LINGO2: variants seen among roughly 807,000 people sequenced by gnomAD.
LINGO2 encodes leucine-rich repeat and immunoglobulin-like domain-containing nogo receptor-interacting protein 2.
LINGO2 carries 14 observed loss-of-function variants against 30.6 expected under a neutral mutation model. That is an observed-to-expected ratio of 0.46 (90% CI 0.30 to 0.72). The LOEUF (loss-of-function observed/expected upper bound fraction) is 0.72, where lower values mean the gene tolerates loss of function less well. LINGO2 is among the 30% of genes least tolerant of loss of function. LINGO2 has a pLI of 0.07. For synonymous variants in LINGO2, 317 were observed against 288.5 expected (o/e 1.10, Z -1.00); for missense variants, 729 against 751.7 (o/e 0.97, Z 0.35).
At chr9:28,194,462 C>A (rs941326011) in intron 4 of LINGO2, among the ~76,000 whole-genome samples, 4 of 150,314 alleles carry the variant, frequency 2.7e-5, no homozygotes, top group Non-Finnish European at 4.4e-5. Context: ...AATTGTGGAT[C>A]TGAGATTTGA....
chr9:28,084,294 A>G (rs1242153770), intron 4 of LINGO2, among the ~76,000 whole-genome samples: 1 of 152,140 alleles, frequency 6.6e-6, no homozygotes, highest in Non-Finnish European at 1.5e-5. Flanking sequence ...ATTTAAAAGT[A>G]TCAGTCACTT....
intron 3 of LINGO2, among the ~76,000 whole-genome samples, chr9:28,353,308 A>C (rs1452159488): frequency 2.1e-4 from 31 of 149,930 alleles, no homozygotes; most frequent in African/African-American, 6.9e-4. Flanking sequence ...ATTTACAAGA[A>C]AAAAACAAAC....
chr9:28,348,642 C>A (rs113205338), intron 3 of LINGO2, among the ~76,000 whole-genome samples: 15,667 of 152,108 alleles, frequency 0.1, 1,131 homozygotes, highest in Admixed American at 0.16. Flanking sequence ...TGGGTGGAGC[C>A]CACCACAGCT....
the LINGO2 span, among the ~76,000 whole-genome samples, chr9:28,684,322 G>A: frequency 6.7e-6 from 1 of 149,102 alleles, no homozygotes; most frequent in Non-Finnish European, 1.5e-5. Context: ...AGAGTAGCTG[G>A]GACTACAGGC....
chr9:28,496,920 C>T (rs1480215159), intron 1 of LINGO2, among the ~76,000 whole-genome samples: 1 of 152,164 alleles, frequency 6.6e-6, no homozygotes, highest in Admixed American at 6.5e-5. Flanking sequence ...TCTTAAGAAG[C>T]TTAGTTTGGC....
chr9:28,366,303 C>G (rs1319272056), intron 3 of LINGO2, among the ~76,000 whole-genome samples: 1 of 152,060 alleles, frequency 6.6e-6, no homozygotes, highest in Non-Finnish European at 1.5e-5. Context: ...GTATTTCATC[C>G]CTCTTATGTG....
rs1008050434 is a variant in LINGO2, at chr9:28,334,682, A to C, written c.-246+38154T>G. Among the ~76,000 whole-genome samples the C allele has an allele frequency of 2.0e-5, 3 of 152,166 alleles. No individual in the cohort carries two copies. In the South Asian group the frequency reaches 6.2e-4, roughly 31 times the overall value. ...GAGTCCTATGCTTACTGGAACCATG[A>C]AACAGTGGCAACATTAAAGGGAATG... On this transcript the variant is annotated intron_variant, in intron 3 of 5. Transcript: ENST00000379992.
At chr9:29,019,823 A>G in the LINGO2 span, among the ~76,000 whole-genome samples, 15 of 152,194 alleles carry the variant, frequency 9.9e-5, no homozygotes, top group Non-Finnish European at 2.1e-4. Context: ...ATATCTTTCT[A>G]TTCCATTCCT....
At chr9:28,812,716 A>C in the LINGO2 span, among the ~76,000 whole-genome samples, 50 of 152,202 alleles carry the variant, frequency 3.3e-4, no homozygotes, top group Non-Finnish European at 4.3e-4. Flanking sequence ...GATGAGTTCA[A>C]AAATCAGGAG....
At chr9:28,384,779 A>T (rs1232363442) in intron 2 of LINGO2, among the ~76,000 whole-genome samples, 1 of 152,034 alleles carries the variant, frequency 6.6e-6, no homozygotes, top group East Asian at 1.9e-4. Context: ...CTTGATCCAA[A>T]CTGCTCCCTG....
the LINGO2 span, among the ~76,000 whole-genome samples, chr9:28,929,857 A>G: frequency 2.0e-5 from 3 of 152,220 alleles, no homozygotes; most frequent in African/African-American, 7.2e-5. Context: ...TACCTAAAAC[A>G]GAAAGTCATC....
chr9:27,998,082 A>G (rs555921942), intron 5 of LINGO2, among the ~76,000 whole-genome samples: 1 of 152,298 alleles, frequency 6.6e-6, no homozygotes, highest in African/African-American at 2.4e-5. Flanking sequence ...ACGGCCATCA[A>G]TTCCTTTCTT....
At chr9:27,968,348 T>C (rs1033718282) in intron 5 of LINGO2, among the ~76,000 whole-genome samples, 3 of 152,054 alleles carry the variant, frequency 2.0e-5, no homozygotes, top group Non-Finnish European at 4.4e-5. Flanking sequence ...TCATGACTCA[T>C]GGTTCCAAAT....
At chr9:28,915,869 G>A in the LINGO2 span, among the ~76,000 whole-genome samples, 1 of 152,134 alleles carries the variant, frequency 6.6e-6, no homozygotes, top group Non-Finnish European at 1.5e-5. Flanking sequence ...ATACATAACT[G>A]ATAAAATCTT....
chr9:27,980,070 G>T (rs1358556071), intron 5 of LINGO2, among the ~76,000 whole-genome samples: 1 of 151,902 alleles, frequency 6.6e-6, no homozygotes, highest in Non-Finnish European at 1.5e-5. Flanking sequence ...CAGCTGTTCA[G>T]AGTACTTTAG....
In LINGO2 at chr9:28,016,921, C is replaced by T. The variant is rs527665050; in HGVS notation, c.-86-4516G>A. On this transcript the variant is annotated intron_variant, in intron 4 of 5. Coordinates refer to ENST00000379992, the Ensembl canonical transcript of LINGO2. Reference sequence around the variant, plus strand: ...ACTTCAGGCCAATATCCTTGATGAACATAGATGGAAAAATCCTCAACAAAA... The same window carrying T: ...ACTTCAGGCCAATATCCTTGATGAATATAGATGGAAAAATCCTCAACAAAA... 5.9e-5 allele frequency among the ~76,000 whole-genome samples: 9 copies of T among 152,162 alleles called. No homozygotes were observed. In the South Asian group the frequency reaches 1.7e-3, roughly 28 times the overall value.
chr9:28,304,088 C>T lies in LINGO2; in HGVS notation c.-245-8722G>A, dbSNP rs141911592. Among the ~76,000 whole-genome samples, 126 of 151,992 alleles carry T rather than the reference C, an allele frequency of 8.3e-4. 3 individuals are homozygous for T. In the East Asian group the frequency reaches 0.019, roughly 23 times the overall value. The stretch of plus-strand genomic sequence containing the variant: ...ATCTAGGTGCACAAGCTTCTTTATT[C>T]CTCTCCATATGCCTGTTTTGTGAGA... On this transcript the variant is annotated intron_variant, in intron 3 of 5. Transcript: ENST00000379992.
chr9:28,340,735 G>A (rs1825740033), intron 3 of LINGO2, among the ~76,000 whole-genome samples: 1 of 152,100 alleles, frequency 6.6e-6, no homozygotes, highest in Non-Finnish European at 1.5e-5. Flanking sequence ...TGGAATAGCA[G>A]TCTGTCTTTG....
intron 1 of LINGO2, among the ~76,000 whole-genome samples, chr9:28,485,538 C>A (rs1005143427): frequency 6.6e-6 from 1 of 151,962 alleles, no homozygotes; most frequent in Non-Finnish European, 1.5e-5. Context: ...ATGAAAAATA[C>A]CTCATGAAGG....
Sources: gnomAD v4.1 joint callset for allele counts (sites outside exome capture counted in the v4.1 genomes callset) on GRCh38, gnomAD v4.1.1 for gene constraint, MANE v1.5 for transcripts, NCBI Gene and HGNC (gene_info 2026-07-23, HGNC 2026-07-21) for gene names.